PCBP3: variants seen among roughly 807,000 people sequenced by gnomAD.
The protein encoded by PCBP3 is poly(rC) binding protein 3, also known as poly(rC)-binding protein 3.
PCBP3 carries 25 observed loss-of-function variants against 52.7 expected under a neutral mutation model. That is an observed-to-expected ratio of 0.47 (90% CI 0.35 to 0.66). The LOEUF is 0.66. Among genes scored for constraint, PCBP3 ranks in the 30% least tolerant of loss-of-function variants. The probability of loss-of-function intolerance (pLI) is 0.01; values close to 1 mark genes in which losing one functional copy is unlikely to be tolerated. For synonymous variants in PCBP3, 162 were observed against 183.0 expected (o/e 0.89, Z 0.93); for missense variants, 391 against 490.3 (o/e 0.80, Z 1.91).
In PCBP3 at chr21:45,909,360, C is replaced by A; in HGVS notation, c.345C>A (p.Ile115=). ...AMIAYKFEED[I]INSMSNSPAT... ...CACACGTGTCTCTCCCCTAGGATAT[C>A]ATCAACTCCATGAGCAACAGCCCTG... The change falls in exon 10 of 18, where the codon ATC becomes ATA. Residue 115 remains isoleucine, a synonymous_variant. Coordinates refer to ENST00000681687, the MANE Select transcript of PCBP3 (RefSeq NM_001384156.1). The A allele has an allele frequency of 1.2e-6, 2 of 1,612,540 alleles. No individual in the cohort carries two copies. Among genetic ancestry groups the A allele is most frequent in the East Asian group, 2.2e-5 (1 of 44,860 alleles).
intron 4 of PCBP3, among the ~76,000 whole-genome samples, chr21:45,792,087 GCCA>G (rs1372659466): frequency 6.6e-6 from 1 of 152,284 alleles, no homozygotes; most frequent in Admixed American, 6.5e-5. Context: ...CCACTGCAGG[GCCA>G]CCCTTCGCAG....
At chr21:45,784,456 C>T (rs1449616126) in intron 4 of PCBP3, among the ~76,000 whole-genome samples, 2 of 151,798 alleles carry the variant, frequency 1.3e-5, no homozygotes, top group African/African-American at 4.8e-5. Flanking sequence ...CCTCCTACCT[C>T]CTACCTCCTA....
At chr21:45,860,587 C>T (rs2094471462) in intron 5 of PCBP3, among the ~76,000 whole-genome samples, 1 of 152,236 alleles carries the variant, frequency 6.6e-6, no homozygotes, top group African/African-American at 2.4e-5. Flanking sequence ...CACATGACAG[C>T]CCCAAGGTAG....
At chr21:45,918,809 C>G (rs7278032) in intron 13 of PCBP3, 2 of 147,604 alleles carry the variant, frequency 1.4e-5, no homozygotes, top group East Asian at 4.0e-4. Context: ...TCAGATAAAC[C>G]ATTGGTGTAA....
intron 1 of PCBP3, among the ~76,000 whole-genome samples, chr21:45,648,851 T>C (rs1271578191): frequency 2.6e-5 from 4 of 152,224 alleles, no homozygotes; most frequent in African/African-American, 9.6e-5. Context: ...TTTTATAGCT[T>C]TTTAGAAGTT....
intron 4 of PCBP3, among the ~76,000 whole-genome samples, chr21:45,810,849 A>G (rs2092668328): frequency 6.6e-6 from 1 of 152,094 alleles, no homozygotes. Flanking sequence ...TTCTATAGAG[A>G]TATTCAAATT....
rs762438334 is a variant in PCBP3, at chr21:45,914,034, C to T, written c.675+9C>T. ...TTTTTGCAGGTGGTCAGGTAAGAGC[C>T]GATCCGCTCGCGGCCTCCACTGCCA... On this transcript the variant is annotated intron_variant, in intron 12 of 17. Transcript: ENST00000681687. 16 of 1,613,528 alleles carry T rather than the reference C, an allele frequency of 9.9e-6. No homozygotes were observed. Among genetic ancestry groups the T allele is most frequent in the Middle Eastern group, 1.7e-4 (1 of 6,058 alleles).
At chr21:45,692,043 T>G (rs1403364626) in intron 2 of PCBP3, among the ~76,000 whole-genome samples, 1 of 152,106 alleles carries the variant, frequency 6.6e-6, no homozygotes, top group Non-Finnish European at 1.5e-5. Flanking sequence ...CTCAAGTCAT[T>G]TTTCCAGATT....
At chr21:45,744,485 C>A (rs2086682372) in intron 3 of PCBP3, 1 of 152,186 alleles carries the variant, frequency 6.6e-6, no homozygotes, top group Admixed American at 6.5e-5. Context: ...GTGTAGGCCA[C>A]CATGCCGGGC....
At chr21:45,884,350 GTATA>G (rs1410740528) in intron 5 of PCBP3, among the ~76,000 whole-genome samples, 11 of 152,066 alleles carry the variant, frequency 7.2e-5, no homozygotes, top group Non-Finnish European at 1.5e-4. Context: ...GCATTTTAGA[GTATA>G]TATCTGTATG....
At position 45,909,767 on chromosome 21, in the gene PCBP3, C is replaced by G. The variant is rs1268540382; in HGVS notation, c.471+281C>G. Among the ~76,000 whole-genome samples, 164 of 105,042 alleles carry G rather than the reference C, an allele frequency of 1.6e-3. 1 individual carries two copies. The highest frequency in any genetic ancestry group is 5.3e-3 in the African/African-American group (134 of 25,500). 68.9% of individuals were successfully genotyped at this position (105,042 alleles called of 152,430 possible). A position where few individuals can be genotyped will look rare whatever the true frequency, so the allele number is the denominator to read the frequency against. The stretch of plus-strand genomic sequence containing the variant: ...CACCCACTGCCCAGATACGGACCCC[C>G]CCCACCCACTGCCCAGATACGGACC... On this transcript the variant is annotated intron_variant, in intron 10 of 17. Transcript: ENST00000681687.
chr21:45,701,903 AAAAT>A (rs1288035234), intron 2 of PCBP3, among the ~76,000 whole-genome samples: 5 of 152,220 alleles, frequency 3.3e-5, no homozygotes, highest in Non-Finnish European at 5.9e-5. Flanking sequence ...TTATAAAACA[AAAAT>A]AAATTAGTGA....
chr21:45,921,724 C>G (rs1603508975), intron 13 of PCBP3, among the ~76,000 whole-genome samples: 1 of 152,070 alleles, frequency 6.6e-6, no homozygotes, highest in Non-Finnish European at 1.5e-5. Context: ...GAGGCTGAGG[C>G]GAGAGGATTG....
chr21:45,728,972 A>C (rs563114631), intron 2 of PCBP3, among the ~76,000 whole-genome samples: 32 of 152,326 alleles, frequency 2.1e-4, no homozygotes, highest in African/African-American at 7.0e-4. Flanking sequence ...AATTTGGTGC[A>C]TTCAGAATGT....
intron 4 of PCBP3, among the ~76,000 whole-genome samples, chr21:45,778,319 G>A (rs1419176941): frequency 6.6e-6 from 1 of 152,156 alleles, no homozygotes; most frequent in Admixed American, 6.5e-5. Context: ...GCATTGGATT[G>A]AGCGTGCCCA....
At position 45,857,446 on chromosome 21, in the gene PCBP3, A is replaced by G. The variant is rs139582593; in HGVS notation, c.10+7351A>G. ...CTCTCCAGAAGCCAAACAGATGCCA[A>G]TGCTGAGCCTCCTGTATGGCCTGCA... On this transcript the variant is annotated intron_variant, in intron 5 of 17. Transcript: ENST00000681687. Among the ~76,000 whole-genome samples, 307 of 152,294 alleles carry G rather than the reference A, an allele frequency of 2.0e-3. 2 individuals carry two copies. The highest frequency in any genetic ancestry group is 6.9e-3 in the African/African-American group (285 of 41,556).
intron 6 of PCBP3, among the ~76,000 whole-genome samples, chr21:45,897,772 T>TGGGCTGCTGTGGGTCCC (rs1448919538): frequency 6.6e-6 from 1 of 152,082 alleles, no homozygotes; most frequent in Non-Finnish European, 1.5e-5. Context: ...CTGTGGGTCC[T>TGGGCTGCTGTGGGTCCC]GGGCTGCTGT....
chr21:45,854,165 T>C (rs940647745), intron 5 of PCBP3, among the ~76,000 whole-genome samples: 2 of 152,176 alleles, frequency 1.3e-5, no homozygotes, highest in African/African-American at 4.8e-5. Context: ...GTTTGTTCCA[T>C]GCAAGGGCCA....
chr21:45,726,259 G>A (rs2085035038), intron 2 of PCBP3, among the ~76,000 whole-genome samples: 1 of 152,052 alleles, frequency 6.6e-6, no homozygotes, highest in Admixed American at 6.5e-5. Context: ...GGCCAGGTAG[G>A]CAGTGGATAT....
Sources: gnomAD v4.1 joint callset for allele counts (sites outside exome capture counted in the v4.1 genomes callset) on GRCh38, gnomAD v4.1.1 for gene constraint, MANE v1.5 for transcripts, NCBI Gene and HGNC (gene_info 2026-07-23, HGNC 2026-07-21) for gene names.